Variants in SOX6 observed in about 807,000 individuals in gnomAD.
SOX6 encodes SRY-box transcription factor 6.
Under a neutral mutation model 97.8 loss-of-function variants are expected in SOX6, and 11 were observed. That is an observed-to-expected ratio of 0.11 (90% CI 0.07 to 0.19). SOX6 has a LOEUF of 0.19. Among genes scored for constraint, SOX6 ranks in the 10% least tolerant of loss-of-function variants. The probability of loss-of-function intolerance (pLI) is 1.00; values close to 1 mark genes in which losing one functional copy is unlikely to be tolerated. For missense variants in SOX6, 810 were observed against 1,039.5 expected (o/e 0.78, Z 3.04); for synonymous variants, 360 against 371.4 (o/e 0.97, Z 0.35).
chr11:16,263,403 T>C (rs573370508), intron 3 of SOX6, among the ~76,000 whole-genome samples: 2 of 152,134 alleles, frequency 1.3e-5, no homozygotes, highest in South Asian at 4.1e-4. Context: ...CAATTTGTAC[T>C]ATAGAAAGTG....
intron 6 of SOX6, among the ~76,000 whole-genome samples, chr11:16,167,303 T>G (rs1237885028): frequency 6.6e-6 from 1 of 152,178 alleles, no homozygotes; most frequent in Non-Finnish European, 1.5e-5. Context: ...TCTCGTTGGC[T>G]TTGCTCTTAC....
chr11:16,326,988 G>A (rs1266522719), intron 2 of SOX6, among the ~76,000 whole-genome samples: 3 of 152,192 alleles, frequency 2.0e-5, no homozygotes, highest in African/African-American at 7.2e-5. Context: ...CTTCTCTACA[G>A]TATGTTAGTT....
At chr11:16,148,124 T>C (rs539309654) in intron 6 of SOX6, among the ~76,000 whole-genome samples, 1 of 152,326 alleles carries the variant, frequency 6.6e-6, no homozygotes, top group Non-Finnish European at 1.5e-5. Context: ...GATTAACAAA[T>C]ACAGTGAATT....
intron 1 of SOX6, among the ~76,000 whole-genome samples, chr11:16,371,224 TCA>T (rs554420383): frequency 7.8e-4 from 119 of 152,108 alleles, no homozygotes; most frequent in Non-Finnish European, 1.4e-3. Context: ...CACTTCTACC[TCA>T]GAGTCTGCAC....
upstream of SOX6, among the ~76,000 whole-genome samples, chr11:16,357,889 C>G (rs1857114748): frequency 6.6e-6 from 1 of 152,122 alleles, no homozygotes; most frequent in Non-Finnish European, 1.5e-5. Context: ...ATAATAAAAG[C>G]AAGCATGCAT....
chr11:16,578,276 A>G (rs962542044), intron 4 of SOX6, among the ~76,000 whole-genome samples: 1 of 152,178 alleles, frequency 6.6e-6, no homozygotes, highest in African/African-American at 2.4e-5. Flanking sequence ...AATTATGGTT[A>G]CTTGTCTATG....
chr11:16,223,122 A>C (rs1349814537), intron 4 of SOX6, among the ~76,000 whole-genome samples: 2 of 151,910 alleles, frequency 1.3e-5, no homozygotes, highest in African/African-American at 4.8e-5. Flanking sequence ...TGCACAGAAT[A>C]CTCTCCTCAG....
At chr11:16,428,742 T>C (rs975904778) in intron 1 of SOX6, among the ~76,000 whole-genome samples, 10 of 152,306 alleles carry the variant, frequency 6.6e-5, no homozygotes, top group Admixed American at 3.9e-4. Flanking sequence ...TGTAGTATAG[T>C]TTGAAGTCAG....
chr11:16,578,853 G>A (rs1460393851), intron 4 of SOX6, among the ~76,000 whole-genome samples: 1 of 152,038 alleles, frequency 6.6e-6, no homozygotes, highest in African/African-American at 2.4e-5. Flanking sequence ...CCAGAACAGA[G>A]GACAGGAAAC....
intron 9 of SOX6, among the ~76,000 whole-genome samples, chr11:16,062,049 G>A (rs774546635): frequency 2.2e-4 from 34 of 151,618 alleles, no homozygotes; most frequent in Non-Finnish European, 3.0e-4. Flanking sequence ...ATGAGACTAC[G>A]TTAAACTAAA....
chr11:16,349,661 AGAGGGAGG>A, intron 1 of SOX6, among the ~76,000 whole-genome samples: 1 of 66,184 alleles, frequency 1.5e-5, no homozygotes, highest in African/African-American at 5.4e-5. Context: ...CAGAAGAAAG[AGAGGGAGG>A]GAGGGAGGAA....
chr11:16,346,010 G>C (rs1590144311), intron 1 of SOX6, among the ~76,000 whole-genome samples: 1 of 151,766 alleles, frequency 6.6e-6, no homozygotes, highest in South Asian at 2.1e-4. Flanking sequence ...CACTTTCCAG[G>C]TGTGTTACAT....
chr11:16,041,336 G>T (rs962501817), intron 12 of SOX6, among the ~76,000 whole-genome samples: 24 of 151,974 alleles, frequency 1.6e-4, no homozygotes, highest in African/African-American at 5.6e-4. Context: ...GAATAACAAG[G>T]AGCTATGGTA....
At chr11:16,167,785 C>T (rs1447618756) in intron 6 of SOX6, among the ~76,000 whole-genome samples, 1 of 152,106 alleles carries the variant, frequency 6.6e-6, no homozygotes, top group East Asian at 1.9e-4. Flanking sequence ...ACCCACACAC[C>T]CTATTTAAAA....
At chr11:16,404,121 T>C (rs1315080423) in intron 1 of SOX6, among the ~76,000 whole-genome samples, 4 of 151,828 alleles carry the variant, frequency 2.6e-5, no homozygotes, top group Non-Finnish European at 5.9e-5. Context: ...TGTTGAATTG[T>C]GGGGAAGGGA....
intron 3 of SOX6, among the ~76,000 whole-genome samples, chr11:16,706,978 C>G (rs531451064): frequency 2.0e-5 from 3 of 152,166 alleles, no homozygotes; most frequent in Admixed American, 2.0e-4. Flanking sequence ...AAAATGCACA[C>G]TGGGAATAGA....
rs1853242142 is a variant in SOX6, at chr11:15,969,486, T to C, written c.*3323A>G. On this transcript the variant is annotated 3_prime_UTR_variant, in exon 16 of 16. Coordinates refer to ENST00000683767, the MANE Select transcript of SOX6 (RefSeq NM_001367873.1). ...GTCTGGATCTGTGGACAGTGGGTTC[T>C]GAACTGCATGAGAACCCTGGTGAAA... is the stretch of plus-strand genomic sequence containing the variant. 1 of 152,214 alleles carries C rather than the reference T, an allele frequency of 6.6e-6. No homozygotes were observed. The highest frequency in any genetic ancestry group is 2.1e-4 in the South Asian group (1 of 4,818). 9.4% of individuals were successfully genotyped at this position (152,214 alleles called of 1,614,324 possible). A position where few individuals can be genotyped will look rare whatever the true frequency, so the allele number is the denominator to read the frequency against.
chr11:16,038,022 AT>A (rs916676876), intron 12 of SOX6, among the ~76,000 whole-genome samples: 2 of 152,192 alleles, frequency 1.3e-5, no homozygotes, highest in Middle Eastern at 3.4e-3. Context: ...AAATATTAAA[AT>A]TTTTTTTAAA....
intron 3 of SOX6, among the ~76,000 whole-genome samples, chr11:16,678,370 G>T (rs1344007032): frequency 6.6e-6 from 1 of 152,054 alleles, no homozygotes; most frequent in African/African-American, 2.4e-5. Context: ...CATTTAAATT[G>T]ACCTTCTAAT....
Sources: gnomAD v4.1 joint callset for allele counts (sites outside exome capture counted in the v4.1 genomes callset) on GRCh38, gnomAD v4.1.1 for gene constraint, MANE v1.5 for transcripts, NCBI Gene and HGNC (gene_info 2026-07-23, HGNC 2026-07-21) for gene names.